SEC14L1: variants seen among roughly 807,000 people sequenced by gnomAD.
The protein encoded by SEC14L1 is SEC14 like lipid binding 1.
Under a neutral mutation model 85.3 loss-of-function variants are expected in SEC14L1, and 48 were observed. The observed-to-expected ratio is 0.56, with a 90% CI of 0.45 to 0.72. SEC14L1 has a LOEUF of 0.72. SEC14L1 is among the 30% of genes least tolerant of loss of function. The pLI is 0.00. For synonymous variants in SEC14L1, 391 were observed against 355.5 expected (o/e 1.10, Z -1.12); for missense variants, 682 against 921.4 (o/e 0.74, Z 3.36).
intron 3 of SEC14L1, among the ~76,000 whole-genome samples, chr17:77,111,142 G>C (rs1427541226): frequency 6.7e-6 from 1 of 150,210 alleles, no homozygotes; most frequent in Admixed American, 6.7e-5. Flanking sequence ...GGAGTGAGCC[G>C]AGGTTGTGCC....
At chr17:77,161,625 T>C (rs1263304902) in intron 3 of SEC14L1, among the ~76,000 whole-genome samples, 3 of 152,110 alleles carry the variant, frequency 2.0e-5, no homozygotes, top group Non-Finnish European at 4.4e-5. Flanking sequence ...GGTTTGTACA[T>C]GACTCAGGCT....
At chr17:77,182,299 T>C (rs1975072961) in intron 3 of SEC14L1, among the ~76,000 whole-genome samples, 1 of 152,214 alleles carries the variant, frequency 6.6e-6, no homozygotes, top group Non-Finnish European at 1.5e-5. Flanking sequence ...TACTAGCTTT[T>C]AATATGTCAA....
intron 3 of SEC14L1, among the ~76,000 whole-genome samples, chr17:77,111,043 A>G (rs145175006): frequency 2.0e-5 from 3 of 151,702 alleles, no homozygotes; most frequent in African/African-American, 7.3e-5. Flanking sequence ...AAATACAAAA[A>G]TTAGCCGGGT....
At chr17:77,212,285 T>C (rs1976797261) in intron 15 of SEC14L1, 84 bp downstream of exon 15, 1 of 1,548,526 alleles carries the variant, frequency 6.5e-7, no homozygotes, top group Non-Finnish European at 8.8e-7. Context: ...TTTGCTTCGC[T>C]CCTTGAGCAG....
At chr17:77,102,651 A>G (rs952510321) in intron 3 of SEC14L1, among the ~76,000 whole-genome samples, 1 of 151,872 alleles carries the variant, frequency 6.6e-6, no homozygotes, top group African/African-American at 2.4e-5. Flanking sequence ...TTACAGGCAC[A>G]TGCCACCACA....
At chr17:77,176,737 C>A (rs931721529) in intron 3 of SEC14L1, among the ~76,000 whole-genome samples, 3 of 152,142 alleles carry the variant, frequency 2.0e-5, no homozygotes, top group Non-Finnish European at 2.9e-5. Context: ...CAGGTGCCTA[C>A]CACCATGCCC....
At chr17:77,122,604 C>T (rs1361580273) in intron 3 of SEC14L1, among the ~76,000 whole-genome samples, 1 of 152,200 alleles carries the variant, frequency 6.6e-6, no homozygotes, top group East Asian at 1.9e-4. Flanking sequence ...ACCATCCCCA[C>T]CCTATTTTCT....
intron 3 of SEC14L1, among the ~76,000 whole-genome samples, chr17:77,120,950 C>G (rs1036962619): frequency 6.6e-6 from 1 of 152,134 alleles, no homozygotes; most frequent in African/African-American, 2.4e-5. Context: ...GTTTTGTTAT[C>G]GTGGGTTGTG....
At chr17:77,116,659 T>C (rs2143385709) in intron 3 of SEC14L1, among the ~76,000 whole-genome samples, 1 of 152,304 alleles carries the variant, frequency 6.6e-6, no homozygotes, top group South Asian at 2.1e-4. Context: ...CATATTGTGT[T>C]TTACAAGTCT....
chr17:77,140,515 G>A (rs1334117035), upstream of SEC14L1, among the ~76,000 whole-genome samples: 5 of 152,252 alleles, frequency 3.3e-5, no homozygotes, highest in Non-Finnish European at 7.3e-5. Context: ...GCGACCAGAG[G>A]CAGGCCTCAG....
chr17:77,100,918 C>T (rs1432047451), intron 3 of SEC14L1, among the ~76,000 whole-genome samples: 1 of 152,076 alleles, frequency 6.6e-6, no homozygotes, highest in Non-Finnish European at 1.5e-5. Context: ...AGGGGTCAGG[C>T]TGTAGTAGTC....
chr17:77,118,992 A>C (rs1011204379), intron 3 of SEC14L1, among the ~76,000 whole-genome samples: 3 of 152,158 alleles, frequency 2.0e-5, no homozygotes, highest in Non-Finnish European at 4.4e-5. Context: ...AAACCTCTGC[A>C]TGCATTGATG....
intron 3 of SEC14L1, among the ~76,000 whole-genome samples, chr17:77,153,141 C>A (rs1973641609): frequency 1.3e-5 from 2 of 152,186 alleles, no homozygotes; most frequent in African/African-American, 4.8e-5. Flanking sequence ...AATCTTGGCT[C>A]ACTGCAACCT....
chr17:77,183,318 A>G (rs1598358433), intron 3 of SEC14L1, among the ~76,000 whole-genome samples: 2 of 152,352 alleles, frequency 1.3e-5, no homozygotes, highest in East Asian at 3.9e-4. Context: ...CCGCTAGGTA[A>G]ATTAGCACAT....
At chr17:77,171,816 A>G (rs1480335611) in intron 3 of SEC14L1, among the ~76,000 whole-genome samples, 4 of 152,130 alleles carry the variant, frequency 2.6e-5, no homozygotes, top group Non-Finnish European at 5.9e-5. Context: ...AGTACCCGTT[A>G]TGCCTTTTTT....
intron 6 of SEC14L1, 85 bp from the exon 7 acceptor site, chr17:77,194,592 G>T: frequency 9.6e-7 from 1 of 1,046,312 alleles, no homozygotes; most frequent in East Asian, 2.4e-5. Flanking sequence ...TCTTCCGTTG[G>T]CTAGAAAAAA....
chr17:77,146,400 ATTGT>A (rs1230715769), intron 3 of SEC14L1, among the ~76,000 whole-genome samples: 1 of 152,164 alleles, frequency 6.6e-6, no homozygotes, highest in African/African-American at 2.4e-5. Context: ...AGGTGTTTGG[ATTGT>A]TTAACGTTCA....
intron 3 of SEC14L1, among the ~76,000 whole-genome samples, chr17:77,120,728 C>T (rs1272538804): frequency 3.9e-5 from 6 of 152,172 alleles, no homozygotes; most frequent in African/African-American, 7.2e-5. Flanking sequence ...CCACCGGTCT[C>T]GGCCTCCCAA....
chr17:77,140,047 A>C (rs1474271010), upstream of SEC14L1, among the ~76,000 whole-genome samples: 2 of 152,212 alleles, frequency 1.3e-5, no homozygotes, highest in Non-Finnish European at 2.9e-5. Context: ...AACAACAGTG[A>C]CTTTGACAGT....
Sources: gnomAD v4.1 joint callset for allele counts (sites outside exome capture counted in the v4.1 genomes callset) on GRCh38, gnomAD v4.1.1 for gene constraint, MANE v1.5 for transcripts, NCBI Gene and HGNC (gene_info 2026-07-23, HGNC 2026-07-21) for gene names.